MAML2: variants seen among roughly 807,000 people sequenced by gnomAD.
MAML2 encodes mastermind like transcriptional coactivator 2.
Under a neutral mutation model 96.1 loss-of-function variants are expected in MAML2, and 22 were observed. The ratio of observed to expected loss-of-function variants is 0.23; its 90% CI spans 0.16 to 0.33. MAML2 has a LOEUF of 0.33. Among genes scored for constraint, MAML2 ranks in the 10% least tolerant of loss-of-function variants. The pLI, the probability that MAML2 is intolerant of heterozygous loss-of-function variation, is 1.00. For missense variants in MAML2, 1,367 were observed against 1,392.4 expected, an observed-to-expected ratio of 0.98 and a Z score of 0.29; for synonymous variants, 561 against 521.3, an observed-to-expected ratio of 1.08 and a Z score of -1.04.
In MAML2 at chr11:96,303,910, A is replaced by G. The variant is rs143423527; in HGVS notation, c.513+37473T>C. On this transcript the variant is annotated intron_variant, in intron 1 of 4. Transcript: ENST00000524717. ...GTCTGAGAAAACAAAAAGAAAAAAT[A>G]TAATCTGAGAACTGCTGCTGTGGGC... Among the ~76,000 whole-genome samples the G allele has an allele frequency of 5.8e-4, 88 of 152,324 alleles. No individual in the cohort carries two copies. The Middle Eastern group carries it at 0.014, about 24-fold the overall frequency.
chr11:96,007,252 C>A (rs72969718), intron 2 of MAML2, among the ~76,000 whole-genome samples: 35,438 of 150,754 alleles, frequency 0.24, 4,463 homozygotes, highest in East Asian at 0.38. Context: ...ACCTCGTGAT[C>A]CACCCACCTC....
chr11:96,123,926 C>T (rs1027784972), intron 1 of MAML2, among the ~76,000 whole-genome samples: 11 of 151,696 alleles, frequency 7.3e-5, no homozygotes, highest in South Asian at 2.1e-4. Context: ...AAAAATTAGC[C>T]GGGCATGGTG....
chr11:95,998,145 T>TGTCTGTCTGTCTGTCA (rs1858024227), intron 2 of MAML2, among the ~76,000 whole-genome samples: 3 of 133,920 alleles, frequency 2.2e-5, no homozygotes, highest in Non-Finnish European at 4.7e-5. Flanking sequence ...TCTGTCAGTC[T>TGTCTGTCTGTCTGTCA]GTCTGTCTGT....
chr11:96,168,306 A>G (rs1015439744), intron 1 of MAML2, among the ~76,000 whole-genome samples: 4 of 152,240 alleles, frequency 2.6e-5, no homozygotes, highest in African/African-American at 9.6e-5. Context: ...CTAGTAATAG[A>G]AAGCCTTCAA....
chr11:96,153,129 C>T (rs1046744996), intron 1 of MAML2, among the ~76,000 whole-genome samples: 1 of 151,982 alleles, frequency 6.6e-6, no homozygotes, highest in African/African-American at 2.4e-5. Context: ...AAAATTTAGG[C>T]CCCATCTGGA....
intron 2 of MAML2, among the ~76,000 whole-genome samples, chr11:96,007,255 C>T (rs1858197857): frequency 1.3e-5 from 2 of 151,250 alleles, no homozygotes; most frequent in Admixed American, 6.6e-5. Context: ...TCGTGATCCA[C>T]CCACCTCTGT....
intron 2 of MAML2, among the ~76,000 whole-genome samples, chr11:96,047,895 G>GA (rs1858927757): frequency 8.4e-6 from 1 of 119,634 alleles, no homozygotes; most frequent in African/African-American, 3.2e-5. Flanking sequence ...CTGGGCGACA[G>GA]GCAAGACTCT....
chr11:96,341,526 G>A lies in MAML2; in HGVS notation c.370C>T (p.Pro124Ser). 1 of 1,551,510 alleles carries A rather than the reference G, an allele frequency of 6.4e-7. No homozygotes were observed. Among genetic ancestry groups the A allele is most frequent in the South Asian group, 1.2e-5 (1 of 84,044 alleles). The change falls in exon 1 of 5, where the codon CCA becomes TCA. Residue 124 changes from proline to serine, a missense_variant. Pro to Ser is a moderately conservative substitution (Grantham distance 74, BLOSUM62 -1). Coordinates refer to ENST00000524717, the MANE Select transcript of MAML2 (RefSeq NM_032427.4). ...AASQAAATAA[P>S]PPPPDYHHHH... is the part of the protein sequence containing the mutation. ...TGGTGATAGTCTGGTGGGGGCGGTG[G>A]GGCTGCTGTTGCTGCTGCTTGGGAG...
In MAML2 at chr11:96,313,315, T is replaced by C. The variant is rs183170076; in HGVS notation, c.513+28068A>G. 2.0e-4 allele frequency among the ~76,000 whole-genome samples: 31 copies of C among 152,262 alleles called. 1 individual carries two copies. In the South Asian group the frequency reaches 6.2e-3, roughly 31 times the overall value. ...AGCAGCTGTTAGAAATGCAAATCCT[T>C]CATCCCCATCTCAGAACTGGGGTGG... On this transcript the variant is annotated intron_variant, in intron 1 of 4. Coordinates refer to ENST00000524717, the MANE Select transcript of MAML2 (RefSeq NM_032427.4).
intron 1 of MAML2, among the ~76,000 whole-genome samples, chr11:96,322,576 C>T (rs1863720670): frequency 6.6e-6 from 1 of 152,026 alleles, no homozygotes; most frequent in African/African-American, 2.4e-5. Context: ...CCTGTATTCC[C>T]AGCTCCTAGG....
chr11:96,000,739 G>A (rs947669586), intron 2 of MAML2, among the ~76,000 whole-genome samples: 1 of 152,066 alleles, frequency 6.6e-6, no homozygotes, highest in Non-Finnish European at 1.5e-5. Flanking sequence ...AGATAAAGAC[G>A]CTGCCCAGAA....
intron 2 of MAML2, among the ~76,000 whole-genome samples, chr11:96,074,737 C>T (rs1357521441): frequency 4.6e-5 from 7 of 152,114 alleles, no homozygotes; most frequent in Admixed American, 3.9e-4. Context: ...TTTTTGACAC[C>T]AGAATAAAAG....
chr11:96,239,698 G>T (rs2135959736), intron 1 of MAML2, among the ~76,000 whole-genome samples: 1 of 152,180 alleles, frequency 6.6e-6, no homozygotes, highest in South Asian at 2.1e-4. Context: ...GGAGTCTATT[G>T]TATCATTAGG....
At chr11:96,186,852 C>A (rs140532962) in intron 1 of MAML2, among the ~76,000 whole-genome samples, 1 of 152,184 alleles carries the variant, frequency 6.6e-6, no homozygotes, top group Non-Finnish European at 1.5e-5. Context: ...CAACTATTAG[C>A]CAGTGTATCT....
intron 2 of MAML2, among the ~76,000 whole-genome samples, chr11:96,075,667 TG>T (rs1273789588): frequency 6.6e-6 from 1 of 151,956 alleles, no homozygotes; most frequent in Non-Finnish European, 1.5e-5. Flanking sequence ...GGAAGTCGGG[TG>T]GGGGTGGATT....
chr11:96,222,517 A>C (rs555212409), intron 1 of MAML2, among the ~76,000 whole-genome samples: 158 of 152,346 alleles, frequency 1.0e-3, no homozygotes, highest in African/African-American at 3.5e-3. Context: ...AGAAGCACTC[A>C]GTTAAGAAAA....
intron 1 of MAML2, among the ~76,000 whole-genome samples, chr11:96,168,886 C>T (rs763333598): frequency 1.6e-4 from 25 of 152,318 alleles, no homozygotes; most frequent in Admixed American, 5.9e-4. Flanking sequence ...GTGTAATCCA[C>T]TTGGGTTATT....
At chr11:96,071,765 C>T (rs1420784226) in intron 2 of MAML2, among the ~76,000 whole-genome samples, 3 of 152,170 alleles carry the variant, frequency 2.0e-5, no homozygotes, top group East Asian at 3.8e-4. Context: ...ATCTTTATTA[C>T]TCCAAAGGCC....
intron 1 of MAML2, among the ~76,000 whole-genome samples, chr11:96,260,078 C>A (rs887855969): frequency 1.3e-5 from 2 of 151,966 alleles, no homozygotes; most frequent in African/African-American, 4.8e-5. Context: ...CCTCGGAACA[C>A]CTGTGCCACC....
Sources: allele counts gnomAD v4.1 joint callset (sites outside exome capture counted in the v4.1 genomes callset), GRCh38; gene constraint gnomAD v4.1.1; transcripts MANE v1.5; gene names NCBI Gene and HGNC (gene_info 2026-07-23, HGNC 2026-07-21).